MECOM: variants seen among roughly 807,000 people sequenced by gnomAD.
MECOM encodes the protein MDS1 and EVI1 complex locus.
A neutral mutation model predicts 116.3 loss-of-function variants in MECOM; 13 were observed. The observed-to-expected ratio is 0.11, with a 90% CI of 0.07 to 0.18. The LOEUF (loss-of-function observed/expected upper bound fraction) is 0.18. MECOM is among the 10% of genes least tolerant of loss of function. MECOM has a pLI of 1.00. For missense variants in MECOM, 1,299 were observed against 1,509.0 expected (o/e 0.86, Z 2.31); for synonymous variants, 528 against 535.2 (o/e 0.99, Z 0.19).
chr3:169,118,186 CA>C (rs1729787972), intron 7 of MECOM, among the ~76,000 whole-genome samples: 1 of 151,974 alleles, frequency 6.6e-6, no homozygotes, highest in African/African-American at 2.4e-5. Flanking sequence ...CACATACATC[CA>C]AACAGGAAGT....
chr3:169,516,693 C>G (rs1053927563), intron 1 of MECOM, among the ~76,000 whole-genome samples: 7 of 152,058 alleles, frequency 4.6e-5, no homozygotes, highest in African/African-American at 1.2e-4. Context: ...TAATTATCTG[C>G]TATAGATTCT....
intron 1 of MECOM, among the ~76,000 whole-genome samples, chr3:169,546,700 C>A (rs141919674): frequency 3.3e-5 from 5 of 152,138 alleles, no homozygotes; most frequent in African/African-American, 1.2e-4. Flanking sequence ...TTCTACTTCC[C>A]CATCTCTAAA....
rs564800521 is a variant in MECOM, at chr3:169,156,753, G to A, written c.376-12921C>T. Among the ~76,000 whole-genome samples the A allele has an allele frequency of 7.9e-5, 12 of 152,140 alleles. No homozygotes were observed. The East Asian group carries it at 2.3e-3, about 29-fold the overall frequency. On this transcript the variant is annotated intron_variant, in intron 2 of 16. Coordinates refer to ENST00000651503, the MANE Select transcript of MECOM (RefSeq NM_004991.4). ...ATTTTTACCATGGGCATATTCACATGCAATGTTTTATATTATTTAGACTTT... is the reference window on the plus strand; with the variant it reads ...ATTTTTACCATGGGCATATTCACATACAATGTTTTATATTATTTAGACTTT...
chr3:169,509,733 A>G (rs1755722301), intron 1 of MECOM, among the ~76,000 whole-genome samples: 1 of 152,228 alleles, frequency 6.6e-6, no homozygotes, highest in Non-Finnish European at 1.5e-5. Flanking sequence ...GTATGTTTAC[A>G]CCACACTTTG....
At position 169,601,094 on chromosome 3, in the gene MECOM, A is replaced by G. The variant is rs551369431; in HGVS notation, c.37+62242T>C. Among the ~76,000 whole-genome samples, 7 of 152,336 alleles carry G rather than the reference A, an allele frequency of 4.6e-5. No individual in the cohort carries two copies. In the East Asian group the frequency reaches 1.3e-3, roughly 29 times the overall value. On this transcript the variant is annotated intron_variant, in intron 1 of 16. Transcript: ENST00000651503. ...TGTGGTCAAAATTACATGTACCATG[A>G]AAGCCAGGAAGACTCTTAGAATGAA...
chr3:169,228,061 A>ACAGACGG (rs1453184203), intron 2 of MECOM, among the ~76,000 whole-genome samples: 6 of 152,202 alleles, frequency 3.9e-5, no homozygotes, highest in African/African-American at 1.2e-4. Context: ...TCTCATCACA[A>ACAGACGG]CAGACGGAAC....
At chr3:169,104,866 C>A (rs934026087) in intron 10 of MECOM, among the ~76,000 whole-genome samples, 5 of 152,030 alleles carry the variant, frequency 3.3e-5, no homozygotes, top group Non-Finnish European at 5.9e-5. Flanking sequence ...CAAACTGTTT[C>A]GATTTGGGAA....
intron 1 of MECOM, among the ~76,000 whole-genome samples, chr3:169,497,999 C>G (rs1754043725): frequency 6.6e-6 from 1 of 152,202 alleles, no homozygotes; most frequent in African/African-American, 2.4e-5. Flanking sequence ...TTTACACCTT[C>G]TCTTCTCTAG....
intron 1 of MECOM, among the ~76,000 whole-genome samples, chr3:169,573,770 C>A (rs1764188813): frequency 6.6e-6 from 1 of 152,008 alleles, no homozygotes; most frequent in Non-Finnish European, 1.5e-5. Flanking sequence ...TTCCTAGGTA[C>A]CAGTTTTTCC....
At chr3:169,486,700 C>T (rs1188322594) in intron 1 of MECOM, among the ~76,000 whole-genome samples, 1 of 151,972 alleles carries the variant, frequency 6.6e-6, no homozygotes, top group Non-Finnish European at 1.5e-5. Context: ...GAGGAATATG[C>T]TCATCAAATA....
At chr3:169,102,617 C>T (rs1005984857) in intron 10 of MECOM, among the ~76,000 whole-genome samples, 2 of 152,028 alleles carry the variant, frequency 1.3e-5, no homozygotes, top group African/African-American at 4.8e-5. Context: ...TTGCTATATG[C>T]CTTACCTAGG....
At chr3:169,107,701 G>T (rs1186390844) in intron 10 of MECOM, among the ~76,000 whole-genome samples, 1 of 152,152 alleles carries the variant, frequency 6.6e-6, no homozygotes, top group Non-Finnish European at 1.5e-5. Context: ...GAATGCATCA[G>T]ATTTATCGAA....
intron 1 of MECOM, among the ~76,000 whole-genome samples, chr3:169,453,921 A>C (rs193014219): frequency 7.4e-6 from 1 of 135,528 alleles, no homozygotes; most frequent in Admixed American, 7.6e-5. Context: ...AATGGATAAT[A>C]AAAAAAAAAC....
intron 1 of MECOM, among the ~76,000 whole-genome samples, chr3:169,485,359 G>A (rs371781869): frequency 3.9e-5 from 6 of 152,082 alleles, no homozygotes; most frequent in Admixed American, 1.3e-4. Context: ...GAATATTCTC[G>A]TTAGTGTTAT....
intron 2 of MECOM, among the ~76,000 whole-genome samples, chr3:169,267,724 A>G (rs892034995): frequency 1.3e-5 from 2 of 152,020 alleles, no homozygotes; most frequent in African/African-American, 2.4e-5. Flanking sequence ...GGGATGTGAT[A>G]GAAAAGACAA....
In MECOM at chr3:169,201,643, T is replaced by C. The variant is rs148560536; in HGVS notation, c.376-57811A>G. Among the ~76,000 whole-genome samples the C allele has an allele frequency of 1.6e-3, 236 of 152,236 alleles. 2 individuals carry two copies. Among genetic ancestry groups the C allele is most frequent in the African/African-American group, 5.3e-3 (222 of 41,552 alleles). ...ATATTTTTGGTGGATTTTTCACCAATCATTCAATATATAAATCATGTTGGC... is the reference window on the plus strand; with the variant it reads ...ATATTTTTGGTGGATTTTTCACCAACCATTCAATATATAAATCATGTTGGC... On this transcript the variant is annotated intron_variant, in intron 2 of 16. Coordinates refer to ENST00000651503, the MANE Select transcript of MECOM (RefSeq NM_004991.4).
intron 12 of MECOM, among the ~76,000 whole-genome samples, chr3:169,097,817 T>TTAAA (rs1722127820): frequency 1.1e-5 from 1 of 87,194 alleles, no homozygotes; most frequent in Non-Finnish European, 2.2e-5. Flanking sequence ...ACTGTCTATA[T>TTAAA]AAAAAAAAAA....
chr3:169,229,808 T>C lies in MECOM; in HGVS notation c.376-85976A>G, dbSNP rs1018861262. ...CACACTAATATAAGAGACTATGATT[T>C]CCTAATCAGTTTCATGGGTTATTTC... On this transcript the variant is annotated intron_variant, in intron 2 of 16. Transcript: ENST00000651503. 1.1e-4 allele frequency among the ~76,000 whole-genome samples: 17 copies of C among 152,204 alleles called. 1 individual carries two copies. The highest frequency in any genetic ancestry group is 4.4e-5 in the Non-Finnish European group (3 of 68,032).
chr3:169,454,390 G>GAAAAAA, intron 1 of MECOM, among the ~76,000 whole-genome samples: 1 of 111,770 alleles, frequency 8.9e-6, no homozygotes, highest in East Asian at 2.6e-4. Context: ...TTTCTTTCAG[G>GAAAAAA]AAAAAAAAAA....
Sources: allele counts gnomAD v4.1 joint callset (sites outside exome capture counted in the v4.1 genomes callset), GRCh38; gene constraint gnomAD v4.1.1; transcripts MANE v1.5; gene names NCBI Gene and HGNC (gene_info 2026-07-23, HGNC 2026-07-21).